The following SORCS2 variants were observed in gnomAD, a reference collection of about 807,000 sequenced individuals.
The protein encoded by SORCS2 is VPS10 domain-containing receptor SorCS2.
Under a neutral mutation model 141.6 loss-of-function variants are expected in SORCS2, and 100 were observed. The observed-to-expected ratio is 0.71, with a 90% confidence interval of 0.60 to 0.83. The LOEUF (loss-of-function observed/expected upper bound fraction) is 0.83. SORCS2 is among the 40% of genes least tolerant of loss of function. SORCS2 has a pLI of 0.00. For missense variants in SORCS2, 1,646 were observed against 1,560.2 expected, an observed-to-expected ratio of 1.05 and a Z score of -0.93; for synonymous variants, 789 against 676.9, an observed-to-expected ratio of 1.17 and a Z score of -2.57.
intron 2 of SORCS2, among the ~76,000 whole-genome samples, chr4:7,409,751 C>A (rs531669185): frequency 6.6e-6 from 1 of 152,200 alleles, no homozygotes; most frequent in Admixed American, 6.5e-5. Context: ...TGCTCTGAGT[C>A]TTTTCACTTC....
At chr4:7,238,899 C>T (rs774753269) in intron 1 of SORCS2, among the ~76,000 whole-genome samples, 15 of 152,198 alleles carry the variant, frequency 9.9e-5, no homozygotes, top group Non-Finnish European at 1.6e-4. Context: ...CCACTGCTGG[C>T]CTGTCACCCC....
intron 1 of SORCS2, among the ~76,000 whole-genome samples, chr4:7,283,182 G>A (rs2108863199): frequency 6.6e-6 from 1 of 152,316 alleles, no homozygotes; most frequent in African/African-American, 2.4e-5. Flanking sequence ...CTGCCTCTTT[G>A]GGCTTCGTGT....
intron 3 of SORCS2, among the ~76,000 whole-genome samples, chr4:7,543,776 C>CCACT (rs1439201229): frequency 4.2e-5 from 4 of 96,102 alleles, no homozygotes; most frequent in Admixed American, 1.0e-4. Context: ...ATCCGTCCAT[C>CCACT]CATCCACTCA....
At chr4:7,402,944 A>G (rs562844952) in intron 2 of SORCS2, among the ~76,000 whole-genome samples, 2 of 152,032 alleles carry the variant, frequency 1.3e-5, no homozygotes, top group East Asian at 3.9e-4. Flanking sequence ...TCTCTACTCT[A>G]AAAAGCCCAT....
At chr4:7,547,892 A>C (rs1423220736) in intron 3 of SORCS2, among the ~76,000 whole-genome samples, 8 of 152,168 alleles carry the variant, frequency 5.3e-5, no homozygotes, top group African/African-American at 1.9e-4. Context: ...TGCACAAACA[A>C]ACTGATTAAA....
intron 3 of SORCS2, among the ~76,000 whole-genome samples, chr4:7,634,280 A>AG: frequency 6.6e-6 from 1 of 152,236 alleles, no homozygotes; most frequent in South Asian, 2.1e-4. Flanking sequence ...AGGCTGAGGC[A>AG]AAGAATCACT....
intron 1 of SORCS2, among the ~76,000 whole-genome samples, chr4:7,331,488 A>G (rs1719653718): frequency 6.6e-6 from 1 of 152,136 alleles, no homozygotes; most frequent in Non-Finnish European, 1.5e-5. Flanking sequence ...GTCCCCTAAG[A>G]GACCCTGGTA....
intron 9 of SORCS2, among the ~76,000 whole-genome samples, chr4:7,681,700 TTCTCCCCATAA>T (rs1723536589): frequency 6.6e-6 from 1 of 152,214 alleles, no homozygotes; most frequent in Non-Finnish European, 1.5e-5. Flanking sequence ...GCTGCTGTTG[TTCTCCCCATAA>T]GGACCTGCTG....
intron 4 of SORCS2, 31 bp downstream of exon 4, chr4:7,638,523 T>C: frequency 6.3e-7 from 1 of 1,592,706 alleles, no homozygotes; most frequent in East Asian, 2.3e-5. Context: ...TCGCCTGGTC[T>C]GTGGGGCTGG....
In SORCS2 at chr4:7,654,220, C is replaced by T. The variant is rs1227085303; in HGVS notation, c.887+13C>T. ...ACCACGTGTTCTGGTGAGAGCACTT[C>T]CCCACCCCAAACCCATGGGGCCCGC... On this transcript the variant is annotated intron_variant, in intron 5 of 26. Transcript: ENST00000507866. 4 of 1,566,966 alleles carry T rather than the reference C, an allele frequency of 2.6e-6. No individual in the cohort carries two copies. The highest frequency in any genetic ancestry group is 2.3e-5 in the South Asian group (2 of 85,220).
At chr4:7,434,679 G>C (rs1727166511) in intron 2 of SORCS2, 1 of 1,612,416 alleles carries the variant, frequency 6.2e-7, no homozygotes, top group Non-Finnish European at 8.5e-7. Context: ...CTATGTCCTG[G>C]CATACGTCGC....
chr4:7,566,891 G>A (rs1237174573), intron 3 of SORCS2, among the ~76,000 whole-genome samples: 3 of 149,902 alleles, frequency 2.0e-5, no homozygotes, highest in African/African-American at 4.9e-5. Flanking sequence ...ATGGGTATCT[G>A]GTGAATGCTT....
chr4:7,328,557 G>A (rs748518010), intron 1 of SORCS2, among the ~76,000 whole-genome samples: 1 of 152,194 alleles, frequency 6.6e-6, no homozygotes, highest in East Asian at 1.9e-4. Flanking sequence ...GGTAGCCAGA[G>A]TGGAGTTCGT....
At chr4:7,650,334 C>T (rs1408135034) in intron 4 of SORCS2, among the ~76,000 whole-genome samples, 1 of 152,234 alleles carries the variant, frequency 6.6e-6, no homozygotes. Flanking sequence ...CCTGCTATTA[C>T]GGGTGTTATC....
chr4:7,435,734 T>C (rs1727254213), intron 2 of SORCS2, among the ~76,000 whole-genome samples: 1 of 152,258 alleles, frequency 6.6e-6, no homozygotes, highest in Non-Finnish European at 1.5e-5. Context: ...CCTTAGTTTT[T>C]AAAATAGTTC....
intron 2 of SORCS2, among the ~76,000 whole-genome samples, chr4:7,513,363 T>C (rs1388421251): frequency 6.6e-6 from 1 of 152,186 alleles, no homozygotes; most frequent in Non-Finnish European, 1.5e-5. Flanking sequence ...GTGGGGCTGC[T>C]GGAAGAAGCT....
intron 3 of SORCS2, among the ~76,000 whole-genome samples, chr4:7,571,615 C>T (rs1193150970): frequency 6.6e-6 from 1 of 151,916 alleles, no homozygotes; most frequent in Non-Finnish European, 1.5e-5. Flanking sequence ...AGGTGGTCTG[C>T]CCATTCCCTG....
At chr4:7,644,383 G>A (rs946955959) in intron 4 of SORCS2, among the ~76,000 whole-genome samples, 8 of 152,206 alleles carry the variant, frequency 5.3e-5, no homozygotes, top group African/African-American at 1.7e-4. Context: ...CAGAGGTGGA[G>A]GGTGGACACA....
At chr4:7,408,046 C>G (rs888880355) in intron 2 of SORCS2, among the ~76,000 whole-genome samples, 1 of 152,040 alleles carries the variant, frequency 6.6e-6, no homozygotes, top group African/African-American at 2.4e-5. Flanking sequence ...GTTGTTGTAG[C>G]TATTACTGTT....
Sources: gnomAD v4.1 joint callset for allele counts (sites outside exome capture counted in the v4.1 genomes callset) on GRCh38, gnomAD v4.1.1 for gene constraint, MANE v1.5 for transcripts, NCBI Gene and HGNC (gene_info 2026-07-23, HGNC 2026-07-21) for gene names.